Variants in LCOR observed in about 807,000 individuals in gnomAD.
The protein encoded by LCOR is ligand dependent nuclear receptor corepressor.
A neutral mutation model predicts 64.4 loss-of-function variants in LCOR; 14 were observed. The ratio of observed to expected loss-of-function variants is 0.22; its 90% CI spans 0.14 to 0.34. The LOEUF (loss-of-function observed/expected upper bound fraction) is 0.34. Ranked by LOEUF, LCOR falls within the 10% of genes least tolerant of loss-of-function variation. The pLI is 1.00. For synonymous variants in LCOR, 643 were observed against 642.5 expected (o/e 1.00, Z -0.01); for missense variants, 1,686 against 1,765.3 (o/e 0.96, Z 0.80).
Position 96,867,931 on chromosome 10 carries a change from C to G in LCOR, c.-330+34452C>G, listed in dbSNP as rs543568038. Among the ~76,000 whole-genome samples the G allele has an allele frequency of 3.3e-5, 5 of 151,984 alleles. No individual in the cohort carries two copies. In the South Asian group the frequency reaches 1.0e-3, roughly 32 times the overall value. On this transcript the variant is annotated intron_variant, in intron 2 of 7. Coordinates refer to ENST00000421806, the MANE Select transcript of LCOR (RefSeq NM_001346516.2). Reference sequence around the variant, plus strand: ...TGGAGTCTCTCTCTTGTTGCTCAGGCTAGAGTACAATGGCATGATCTTGGC... The same window carrying G: ...TGGAGTCTCTCTCTTGTTGCTCAGGGTAGAGTACAATGGCATGATCTTGGC...
rs531095694 is a variant in LCOR at position 96,855,806 on chromosome 10, A to G, written c.-330+22327A>G. ...GCCCAGGCTGGAGTGCAATGGTGCG[A>G]TCTTGCCTCACCGCAACCTCTGCCT... On this transcript the variant is annotated intron_variant, in intron 2 of 7. Transcript: ENST00000421806. 9.3e-5 allele frequency among the ~76,000 whole-genome samples: 14 copies of G among 150,968 alleles called. No individual in the cohort carries two copies. The East Asian group carries it at 2.7e-3, about 29-fold the overall frequency.
At chr10:96,973,229 C>G (rs905038133) in intron 7 of LCOR, among the ~76,000 whole-genome samples, 3 of 152,114 alleles carry the variant, frequency 2.0e-5, no homozygotes, top group African/African-American at 7.2e-5. Context: ...TTTTGCCTAC[C>G]CTTTCACTGC....
intron 2 of LCOR, among the ~76,000 whole-genome samples, chr10:96,836,813 G>T (rs1049781846): frequency 2.0e-5 from 3 of 152,190 alleles, no homozygotes; most frequent in Non-Finnish European, 4.4e-5. Flanking sequence ...TAGTGTAAGG[G>T]ATATACACAT....
chr10:96,984,422 G>A lies in LCOR; in HGVS notation c.3962G>A (p.Arg1321Lys), dbSNP rs1332111388. Residue 1321 changes from arginine (R) to lysine (K), a missense_variant, in exon 8 of 8, where the codon AGA (arginine) becomes AAA (lysine). Arg to Lys is a conservative substitution (Grantham distance 26). This residue lies in a region of LCOR where 1,293 missense variants were observed against 1,410.4 expected (regional missense o/e 0.92). Transcript: ENST00000421806. ...TATTCCAATATTCGAGGAAAGCTCAGAGCCCAGCAACGTTTAATCAAGAAT... is the reference window on the plus strand; with the variant it reads ...TATTCCAATATTCGAGGAAAGCTCAAAGCCCAGCAACGTTTAATCAAGAAT... Reference protein sequence around the residue: ...RKYSNIRGKLRAQQRLIKNEK... With the variant: ...RKYSNIRGKLKAQQRLIKNEK... The A allele has an allele frequency of 4.3e-6, 7 of 1,614,226 alleles. No individual in the cohort carries two copies. The Admixed American group carries it at 1.2e-4, about 27-fold the overall frequency.
intron 7 of LCOR, chr10:96,960,497 CT>C (rs1173313642): frequency 1.3e-5 from 2 of 152,094 alleles, no homozygotes; most frequent in African/African-American, 4.8e-5. Flanking sequence ...ATTAATCACT[CT>C]TTTCTGTATA....
In LCOR at chr10:96,982,302, C is replaced by A. The variant is rs1848097257; in HGVS notation, c.1842C>A (p.Ser614=). ...CTAGGTCAGAGGAAACGACAGCCTC[C>A]AGCCTGGTGTGGCCTCTCCCTGCTC... is the stretch of plus-strand genomic sequence containing the variant. The part of the protein sequence containing the change: ...SSPRSEETTA[S]SLVWPLPAHL... Residue 614 remains serine (S), a synonymous_variant, in exon 8 of 8, where the codon TCC becomes TCA. Transcript: ENST00000421806. The A allele has an allele frequency of 6.2e-7, 1 of 1,614,098 alleles. No homozygotes were observed. The highest frequency in any genetic ancestry group is 1.1e-5 in the South Asian group (1 of 91,084).
chr10:96,873,213 G>C (rs757194398), intron 2 of LCOR, among the ~76,000 whole-genome samples: 1 of 152,152 alleles, frequency 6.6e-6, no homozygotes, highest in Non-Finnish European at 1.5e-5. Flanking sequence ...GTACCATGAA[G>C]TAAATGTTAA....
rs748396139 is a variant in LCOR at position 96,984,775 on chromosome 10, G to A, written c.4315G>A (p.Ala1439Thr). The A allele has an allele frequency of 5.0e-6, 8 of 1,613,756 alleles. No individual in the cohort carries two copies. In the Admixed American group the frequency reaches 1.3e-4, roughly 27 times the overall value. ...AACCCCTGCTGCCAAGAGGCCAGCT[G>A]CAAGGGACAGAAGCAGCCAACCCCC... The part of the protein sequence containing the change: ...TKTPAAKRPA[A>T]RDRSSQPPKK... Residue 1439 changes from alanine to threonine, a missense_variant, in exon 8 of 8, where the codon GCA (alanine) becomes ACA (threonine). By Grantham distance (58) the Ala-to-Thr change is moderately conservative. Coordinates refer to ENST00000421806, the MANE Select transcript of LCOR (RefSeq NM_001346516.2).
chr10:96,901,315 C>T (rs1370058229), intron 2 of LCOR, among the ~76,000 whole-genome samples: 1 of 152,136 alleles, frequency 6.6e-6, no homozygotes, highest in African/African-American at 2.4e-5. Context: ...CACCACATAC[C>T]ATTCCCAGCT....
chr10:96,843,696 G>A lies in LCOR; in HGVS notation c.-330+10217G>A, dbSNP rs1026702085. On this transcript the variant is annotated intron_variant, in intron 2 of 7. Coordinates refer to ENST00000421806, the MANE Select transcript of LCOR (RefSeq NM_001346516.2). The stretch of plus-strand genomic sequence containing the variant: ...GCTACATCAACTAATGGCTATTCTT[G>A]TTTCATCCCTAACTGAATTATTTTG... Among the ~76,000 whole-genome samples, 29 of 152,238 alleles carry A rather than the reference G, an allele frequency of 1.9e-4. 1 individual carries two copies. In the East Asian group the frequency reaches 5.6e-3, roughly 29 times the overall value.
intron 7 of LCOR, chr10:96,962,835 C>G (rs1445328941): frequency 6.6e-6 from 1 of 152,150 alleles, no homozygotes; most frequent in Non-Finnish European, 1.5e-5. Context: ...TTAAAGCTGT[C>G]AGACATTGGT....
intron 6 of LCOR, 149 bp from the exon 7 acceptor site, chr10:96,951,954 G>A (rs1262752986): frequency 1.4e-5 from 8 of 578,164 alleles, no homozygotes; most frequent in Admixed American, 3.2e-5. Flanking sequence ...GTTGCTTCAG[G>A]ATTTAATTGA....
chr10:96,836,388 T>G (rs1358116635), intron 2 of LCOR, among the ~76,000 whole-genome samples: 1 of 152,094 alleles, frequency 6.6e-6, no homozygotes, highest in Non-Finnish European at 1.5e-5. Flanking sequence ...CTGATAGAAC[T>G]TGCCACTTCA....
At chr10:96,950,738 T>C (rs183339274) in intron 6 of LCOR, among the ~76,000 whole-genome samples, 1 of 152,244 alleles carries the variant, frequency 6.6e-6, no homozygotes, top group Admixed American at 6.5e-5. Flanking sequence ...TGAATGTGTT[T>C]TCAGCCAAAA....
chr10:96,832,905 T>G (rs1321296210), intron 1 of LCOR: 32 of 817,730 alleles, frequency 3.9e-5, no homozygotes, highest in African/African-American at 7.5e-5. Context: ...CGCCCCCGGG[T>G]CTGCGTGCAC....
chr10:96,836,366 A>G (rs1845441621), intron 2 of LCOR, among the ~76,000 whole-genome samples: 2 of 152,062 alleles, frequency 1.3e-5, no homozygotes, highest in South Asian at 2.1e-4. Flanking sequence ...TCAGCCTCCC[A>G]AAGTCACTTG....
chr10:96,872,491 G>A (rs878978716), intron 2 of LCOR, among the ~76,000 whole-genome samples: 3 of 152,096 alleles, frequency 2.0e-5, no homozygotes, highest in South Asian at 2.1e-4. Context: ...TCAGAAGTTC[G>A]ACACCAGCCT....
intron 7 of LCOR, chr10:96,956,063 A>T: frequency 6.9e-7 from 1 of 1,451,140 alleles, no homozygotes; most frequent in Non-Finnish European, 9.0e-7. Flanking sequence ...GTGTACAGAG[A>T]TGAAATGTGC....
At chr10:96,936,385 A>T (rs1847351157) in intron 4 of LCOR, among the ~76,000 whole-genome samples, 3 of 152,270 alleles carry the variant, frequency 2.0e-5, no homozygotes, top group African/African-American at 7.2e-5. Flanking sequence ...GAAATAATAA[A>T]GATGCGAGAG....
Sources: gnomAD v4.1 joint callset for allele counts (sites outside exome capture counted in the v4.1 genomes callset) on GRCh38, gnomAD v4.1.1 for gene constraint, gnomAD v4.1.1 regional missense constraint, MANE v1.5 for transcripts, NCBI Gene and HGNC (gene_info 2026-07-23, HGNC 2026-07-21) for gene names.